Variants in DLC1 observed in about 807,000 individuals in gnomAD.
DLC1 encodes DLC1 Rho GTPase activating protein.
In DLC1, 54 loss-of-function variants were observed where a neutral mutation model predicts 140.3. The ratio of observed to expected loss-of-function variants is 0.38; its 90% CI spans 0.31 to 0.48. DLC1 has a LOEUF of 0.48. Ranked by LOEUF, DLC1 falls within the 20% of genes least tolerant of loss-of-function variation. The pLI is 0.96. For synonymous variants in DLC1, 986 were observed against 728.1 expected (o/e 1.35, Z -5.70); for missense variants, 2,536 against 1,907.0 (o/e 1.33, Z -6.14).
chr8:13,603,996 T>C (rs1342640800), intron 1 of DLC1, among the ~76,000 whole-genome samples: 1 of 152,116 alleles, frequency 6.6e-6, no homozygotes, highest in East Asian at 1.9e-4. Context: ...TCAAACTCTA[T>C]GAAAAAGCTT....
chr8:13,542,827 C>A (rs914213746), intron 1 of DLC1, among the ~76,000 whole-genome samples: 1 of 151,940 alleles, frequency 6.6e-6, no homozygotes, highest in Non-Finnish European at 1.5e-5. Context: ...TAATTTGAGA[C>A]ATGGTTAAAT....
At chr8:13,263,801 A>G (rs986780574) in intron 5 of DLC1, among the ~76,000 whole-genome samples, 62 of 151,502 alleles carry the variant, frequency 4.1e-4, no homozygotes, top group Non-Finnish European at 5.2e-4. Flanking sequence ...CCATTGGTGG[A>G]TGTGTAATAT....
rs60094700 is a variant in DLC1 at position 13,085,576 on chromosome 8, A to AT, written c.*234dup. On this transcript the variant is annotated 3_prime_UTR_variant, in exon 18 of 18. Coordinates refer to ENST00000276297, the MANE Select transcript of DLC1 (RefSeq NM_182643.3). ...GCAATTTGAATAAGAATACACATAA[A>AT]TTTTTTTTTTTTTTTTGCACAGTCT... The AT allele has an allele frequency of 0.061, 19,184 of 315,002 alleles. 14 individuals carry two copies. Among genetic ancestry groups the AT allele is most frequent in the East Asian group, 0.1 (1,792 of 17,198 alleles). The allele number at this position is 315,002 out of a possible 1,614,324, so 19.5% of individuals were successfully genotyped here.
At chr8:13,097,662 T>A (rs940427825) in intron 10 of DLC1, among the ~76,000 whole-genome samples, 4 of 152,202 alleles carry the variant, frequency 2.6e-5, no homozygotes, top group Non-Finnish European at 5.9e-5. Flanking sequence ...ATTGTTTTCC[T>A]TTTCCTCCAT....
rs117373401 is a variant in DLC1, at chr8:13,559,794, G to A, written c.-126+44743C>T. ...AAATTAATGGCACATTTCTGTGTTCGTTTTATACATCATCTGTGCTATGAA... is the reference window on the plus strand; with the variant it reads ...AAATTAATGGCACATTTCTGTGTTCATTTTATACATCATCTGTGCTATGAA... On this transcript the variant is annotated intron_variant, in intron 1 of 1. Coordinates refer to the DLC1 transcript ENST00000631382. Among the ~76,000 whole-genome samples the A allele has an allele frequency of 8.4e-3, 1,279 of 152,182 alleles. 13 individuals are homozygous for A. The highest frequency in any genetic ancestry group is 0.014 in the Non-Finnish European group (937 of 68,002).
chr8:13,117,211 C>G (rs1038862375), intron 5 of DLC1, among the ~76,000 whole-genome samples: 65 of 152,272 alleles, frequency 4.3e-4, no homozygotes, highest in African/African-American at 1.3e-3. Context: ...GTGGCTTGCG[C>G]CTATAATCCC....
chr8:13,597,443 T>TA (rs1563466206), intron 1 of DLC1, among the ~76,000 whole-genome samples: 1 of 152,022 alleles, frequency 6.6e-6, no homozygotes, highest in African/African-American at 2.4e-5. Context: ...AAATGCATAT[T>TA]AAAAAAATAG....
At chr8:13,187,069 A>G (rs902162360) in intron 5 of DLC1, among the ~76,000 whole-genome samples, 3 of 152,152 alleles carry the variant, frequency 2.0e-5, no homozygotes, top group African/African-American at 7.2e-5. Flanking sequence ...GCAGCCACCT[A>G]TGTGAGGTGT....
chr8:13,417,419 C>G (rs1343521709), intron 2 of DLC1, among the ~76,000 whole-genome samples: 3 of 129,092 alleles, frequency 2.3e-5, no homozygotes, highest in Admixed American at 1.0e-4. Flanking sequence ...TCCATGTGTT[C>G]TCACTGTTCA....
chr8:13,575,845 G>A (rs1032118863), intron 1 of DLC1, among the ~76,000 whole-genome samples: 1 of 152,252 alleles, frequency 6.6e-6, no homozygotes, highest in East Asian at 1.9e-4. Context: ...ATTCTGAAGG[G>A]TATAAAGGAA....
rs1199762182 is a variant in DLC1 at position 13,268,192 on chromosome 8, AAGTC to A, written c.1348+37073_1348+37076del. Among the ~76,000 whole-genome samples the A allele has an allele frequency of 1.4e-4, 22 of 152,336 alleles. 1 individual carries two copies. In the East Asian group the frequency reaches 4.2e-3, roughly 29 times the overall value. ...TTTAGTACTTTTAAACTTTGAAAAC[AAGTC>A]AGTATGTCATTTTAAAAAATATGAT... On this transcript the variant is annotated intron_variant, in intron 5 of 17. Coordinates refer to ENST00000276297, the MANE Select transcript of DLC1 (RefSeq NM_182643.3).
At chr8:13,486,774 T>C (rs1281946942) in intron 2 of DLC1, among the ~76,000 whole-genome samples, 3 of 152,132 alleles carry the variant, frequency 2.0e-5, no homozygotes, top group African/African-American at 4.8e-5. Flanking sequence ...TAAATGAACA[T>C]AGGACAGGAT....
At chr8:13,336,958 G>A (rs951284356) in intron 4 of DLC1, among the ~76,000 whole-genome samples, 10 of 151,748 alleles carry the variant, frequency 6.6e-5, no homozygotes, top group African/African-American at 2.4e-4. Context: ...CTAATAGTTA[G>A]CTAAAGCAGA....
chr8:13,237,545 T>C (rs544446998), intron 5 of DLC1, among the ~76,000 whole-genome samples: 6 of 152,116 alleles, frequency 3.9e-5, no homozygotes, highest in East Asian at 3.9e-4. Context: ...TTCTGAGGTT[T>C]TGGTGCACCC....
intron 4 of DLC1, among the ~76,000 whole-genome samples, chr8:13,350,814 G>C (rs1834623107): frequency 6.6e-6 from 1 of 152,198 alleles, no homozygotes; most frequent in East Asian, 1.9e-4. Context: ...GAAGGTGGTA[G>C]CCTTTAGTGA....
At chr8:13,551,694 G>A (rs1803857794) in intron 1 of DLC1, among the ~76,000 whole-genome samples, 1 of 151,582 alleles carries the variant, frequency 6.6e-6, no homozygotes, top group Admixed American at 6.6e-5. Flanking sequence ...AAAACTTTTG[G>A]CAAGGCAAAC....
chr8:13,222,689 T>C (rs1828614200), intron 5 of DLC1, among the ~76,000 whole-genome samples: 1 of 152,190 alleles, frequency 6.6e-6, no homozygotes. Context: ...GAGTCTTTCT[T>C]GGTTATAACA....
chr8:13,423,076 A>T (rs1462975630), intron 2 of DLC1, among the ~76,000 whole-genome samples: 1 of 152,140 alleles, frequency 6.6e-6, no homozygotes, highest in African/African-American at 2.4e-5. Flanking sequence ...TCTTATTGCA[A>T]AGCACAGTGA....
intron 5 of DLC1, among the ~76,000 whole-genome samples, chr8:13,175,755 A>G (rs959390989): frequency 1.3e-5 from 2 of 152,150 alleles, no homozygotes; most frequent in African/African-American, 4.8e-5. Context: ...AGATAATTCT[A>G]TGACATGCTT....
Sources: gnomAD v4.1 joint callset for allele counts (sites outside exome capture counted in the v4.1 genomes callset) on GRCh38, gnomAD v4.1.1 for gene constraint, MANE v1.5 for transcripts, NCBI Gene and HGNC (gene_info 2026-07-23, HGNC 2026-07-21) for gene names.